NHSL1: variants seen among roughly 807,000 people sequenced by gnomAD.
NHSL1 encodes NHS like 1.
In NHSL1, 48 loss-of-function variants were observed where a neutral mutation model predicts 95.0. That is an observed-to-expected ratio of 0.51 (90% CI 0.40 to 0.64). NHSL1 has a LOEUF of 0.64. Among genes scored for constraint, NHSL1 ranks in the 30% least tolerant of loss-of-function variants. The pLI is 0.00. For missense variants in NHSL1, 1,971 were observed against 2,077.7 expected, an observed-to-expected ratio of 0.95 and a Z score of 1.00; for synonymous variants, 783 against 833.9, an observed-to-expected ratio of 0.94 and a Z score of 1.05.
chr6:138,579,743 A>T (rs1322861675), intron 1 of NHSL1, among the ~76,000 whole-genome samples: 1 of 152,246 alleles, frequency 6.6e-6, no homozygotes, highest in Admixed American at 6.5e-5. Flanking sequence ...ATTTTTTCAC[A>T]TCAGTTTTTC....
chr6:138,601,997 G>T (rs1469409328), intron 1 of NHSL1, among the ~76,000 whole-genome samples: 1 of 152,044 alleles, frequency 6.6e-6, no homozygotes, highest in Non-Finnish European at 1.5e-5. Context: ...TATTTCACAG[G>T]ACTACAATGA....
chr6:138,619,974 A>G (rs1391712107), intron 1 of NHSL1, among the ~76,000 whole-genome samples: 1 of 150,310 alleles, frequency 6.7e-6, no homozygotes, highest in Non-Finnish European at 1.5e-5. Context: ...AAAAATAGCA[A>G]TCTCCAAGTT....
At chr6:138,664,529 G>T (rs1785270655) in intron 1 of NHSL1, among the ~76,000 whole-genome samples, 1 of 152,162 alleles carries the variant, frequency 6.6e-6, no homozygotes, top group Non-Finnish European at 1.5e-5. Flanking sequence ...AAGGACTCAA[G>T]GAATCAAGGA....
chr6:138,644,185 T>C (rs1784989547), intron 1 of NHSL1, among the ~76,000 whole-genome samples: 1 of 152,076 alleles, frequency 6.6e-6, no homozygotes, highest in Non-Finnish European at 1.5e-5. Context: ...AAAACACTTA[T>C]TTTCAAATTA....
At chr6:138,540,763 A>C (rs1782547975) in intron 1 of NHSL1, among the ~76,000 whole-genome samples, 1 of 152,218 alleles carries the variant, frequency 6.6e-6, no homozygotes, top group Non-Finnish European at 1.5e-5. Context: ...TAAATCAGTA[A>C]CTTGTGAAGC....
At chr6:138,621,796 T>G (rs1487533599) in intron 1 of NHSL1, among the ~76,000 whole-genome samples, 1 of 152,154 alleles carries the variant, frequency 6.6e-6, no homozygotes, top group African/African-American at 2.4e-5. Context: ...ATATACCCAG[T>G]CTGTACAAAA....
At chr6:138,589,337 TAC>T (rs1262328664) in intron 1 of NHSL1, among the ~76,000 whole-genome samples, 2 of 151,992 alleles carry the variant, frequency 1.3e-5, no homozygotes, top group South Asian at 2.1e-4. Context: ...CTTATTAAAA[TAC>T]AGACCCGGGG....
chr6:138,484,065 C>G (rs992139552), intron 2 of NHSL1, among the ~76,000 whole-genome samples: 1 of 152,172 alleles, frequency 6.6e-6, no homozygotes. Context: ...GTAGGTGGAA[C>G]AGAATGAATA....
chr6:138,439,489 T>G (rs1358885776), intron 5 of NHSL1, among the ~76,000 whole-genome samples: 3 of 152,164 alleles, frequency 2.0e-5, no homozygotes, highest in Non-Finnish European at 4.4e-5. Context: ...TGTAAAATAC[T>G]GGGAAAAAAG....
At chr6:138,538,154 C>T (rs1181709884) in intron 1 of NHSL1, among the ~76,000 whole-genome samples, 1 of 152,084 alleles carries the variant, frequency 6.6e-6, no homozygotes, top group Non-Finnish European at 1.5e-5. Flanking sequence ...TCTGTTACAG[C>T]AAAACTTTTC....
intron 1 of NHSL1, among the ~76,000 whole-genome samples, chr6:138,639,907 A>AT (rs1430891113): frequency 6.7e-6 from 1 of 149,180 alleles, no homozygotes; most frequent in Non-Finnish European, 1.5e-5. Flanking sequence ...TTTTTACAAA[A>AT]TGCAGCTTTT....
intron 2 of NHSL1, among the ~76,000 whole-genome samples, chr6:138,488,764 T>C (rs1318834153): frequency 6.6e-6 from 1 of 152,306 alleles, no homozygotes; most frequent in African/African-American, 2.4e-5. Flanking sequence ...GCTTTGTCCC[T>C]GTGAACTTCC....
At chr6:138,526,666 T>C (rs1026381494) in intron 1 of NHSL1, among the ~76,000 whole-genome samples, 3 of 152,232 alleles carry the variant, frequency 2.0e-5, no homozygotes, top group Admixed American at 6.5e-5. Context: ...TGTTTCTTTA[T>C]ACTTTACCTC....
intron 5 of NHSL1, among the ~76,000 whole-genome samples, chr6:138,439,413 T>C (rs972446426): frequency 1.3e-5 from 2 of 152,244 alleles, no homozygotes; most frequent in African/African-American, 4.8e-5. Context: ...TAGGTATGAT[T>C]TGATAATCAT....
intron 1 of NHSL1, among the ~76,000 whole-genome samples, chr6:138,558,635 G>A (rs887191608): frequency 5.3e-5 from 8 of 151,798 alleles, no homozygotes; most frequent in East Asian, 1.9e-4. Flanking sequence ...TGTTCAGGAC[G>A]GTCTTGATCT....
intron 3 of NHSL1, among the ~76,000 whole-genome samples, chr6:138,461,235 G>A (rs756781373): frequency 4.6e-5 from 7 of 152,012 alleles, no homozygotes; most frequent in Non-Finnish European, 7.4e-5. Flanking sequence ...CAGTGGAGAT[G>A]GACAGTAAGC....
At chr6:138,542,267 C>T (rs1479960379) in intron 1 of NHSL1, among the ~76,000 whole-genome samples, 1 of 152,172 alleles carries the variant, frequency 6.6e-6, no homozygotes, top group Non-Finnish European at 1.5e-5. Flanking sequence ...AAGAGTCTTT[C>T]CTGGAGCCTT....
intron 1 of NHSL1, among the ~76,000 whole-genome samples, chr6:138,690,442 TA>T (rs768221244): frequency 0.02 from 2,845 of 145,392 alleles, 37 homozygotes; most frequent in African/African-American, 0.045. Context: ...GCATGATTAT[TA>T]AAAAAAAAAA....
chr6:138,453,620 C>G (rs1777383716), intron 3 of NHSL1, among the ~76,000 whole-genome samples: 1 of 152,174 alleles, frequency 6.6e-6, no homozygotes, highest in African/African-American at 2.4e-5. Flanking sequence ...AATCACAACT[C>G]ACTGCAGACT....
Sources: allele counts gnomAD v4.1 joint callset (sites outside exome capture counted in the v4.1 genomes callset), GRCh38; gene constraint gnomAD v4.1.1; transcripts MANE v1.5; gene names NCBI Gene and HGNC (gene_info 2026-07-23, HGNC 2026-07-21).